The following PLPPR1 variants were observed in gnomAD, a reference collection of about 807,000 sequenced individuals.
The protein encoded by PLPPR1 is phospholipid phosphatase-related protein type 1.
PLPPR1 carries 10 observed loss-of-function variants against 33.1 expected under a neutral mutation model. The ratio of observed to expected loss-of-function variants is 0.30; its 90% confidence interval spans 0.19 to 0.51. The LOEUF (loss-of-function observed/expected upper bound fraction) is 0.51, where lower values mean the gene tolerates loss of function less well. Among genes scored for constraint, PLPPR1 ranks in the 20% least tolerant of loss-of-function variants. PLPPR1 has a pLI of 0.97. For missense variants in PLPPR1, 304 were observed against 408.1 expected, an observed-to-expected ratio of 0.74 and a Z score of 2.20; for synonymous variants, 151 against 151.0, an observed-to-expected ratio of 1.00 and a Z score of 0.00.
chr9:101,122,183 C>T (rs10989410), intron 1 of PLPPR1, among the ~76,000 whole-genome samples: 344 of 152,306 alleles, frequency 2.3e-3, no homozygotes, highest in African/African-American at 7.8e-3. Context: ...TGAGCTGTAA[C>T]AAGGAATCTT....
At chr9:101,308,967 G>A (rs895443302) in intron 4 of PLPPR1, among the ~76,000 whole-genome samples, 6 of 152,038 alleles carry the variant, frequency 3.9e-5, no homozygotes, top group Admixed American at 1.3e-4. Flanking sequence ...AATTATTTTC[G>A]TTAGACTGTG....
intron 1 of PLPPR1, among the ~76,000 whole-genome samples, chr9:101,094,307 C>T (rs1006125864): frequency 6.6e-6 from 1 of 152,096 alleles, no homozygotes; most frequent in African/African-American, 2.4e-5. Context: ...TCTTTGGCTC[C>T]TTTCATTTCC....
intron 2 of PLPPR1, among the ~76,000 whole-genome samples, chr9:101,246,013 A>G (rs1165323221): frequency 6.8e-6 from 1 of 146,622 alleles, no homozygotes; most frequent in Non-Finnish European, 1.5e-5. Context: ...TCAAAGGGCT[A>G]CTTGACCATA....
At chr9:101,263,257 C>T (rs1244465313) in intron 2 of PLPPR1, among the ~76,000 whole-genome samples, 1 of 152,180 alleles carries the variant, frequency 6.6e-6, no homozygotes, top group Non-Finnish European at 1.5e-5. Flanking sequence ...GGAAGAACTC[C>T]TGTCTGGTCA....
intron 1 of PLPPR1, among the ~76,000 whole-genome samples, chr9:101,069,778 A>G (rs554114729): frequency 6.6e-6 from 1 of 152,270 alleles, no homozygotes; most frequent in South Asian, 2.1e-4. Context: ...GAAATTTGTC[A>G]GAAATGCAGA....
At chr9:101,101,685 G>C (rs965099188) in intron 1 of PLPPR1, among the ~76,000 whole-genome samples, 8 of 152,080 alleles carry the variant, frequency 5.3e-5, no homozygotes. Flanking sequence ...GATATCAATG[G>C]ACCATATGGT....
intron 4 of PLPPR1, among the ~76,000 whole-genome samples, chr9:101,303,382 A>G (rs1018394035): frequency 6.6e-6 from 1 of 150,852 alleles, no homozygotes; most frequent in Non-Finnish European, 1.5e-5. Context: ...GCTCACTGCA[A>G]CCTCTGCCTC....
chr9:101,075,910 G>A (rs1452514389), intron 1 of PLPPR1, among the ~76,000 whole-genome samples: 1 of 152,066 alleles, frequency 6.6e-6, no homozygotes, highest in African/African-American at 2.4e-5. Context: ...GTGAGAACAA[G>A]TTTAGTCAGA....
intron 1 of PLPPR1, among the ~76,000 whole-genome samples, chr9:101,063,866 T>C (rs923760765): frequency 1.3e-5 from 2 of 152,150 alleles, no homozygotes; most frequent in East Asian, 3.9e-4. Context: ...ATCTGTTTAC[T>C]TCCTTTTGTT....
intron 1 of PLPPR1, among the ~76,000 whole-genome samples, chr9:101,116,354 T>C (rs7873618): frequency 0.5 from 76,201 of 152,046 alleles, 19,407 homozygotes; most frequent in African/African-American, 0.58. Context: ...TGTAAAAGTC[T>C]GAATCAATAT....
intron 3 of PLPPR1, among the ~76,000 whole-genome samples, chr9:101,283,458 A>C (rs966850412): frequency 6.6e-6 from 1 of 152,234 alleles, no homozygotes; most frequent in Non-Finnish European, 1.5e-5. Flanking sequence ...GGCTATCCAC[A>C]TGCAGAAGAG....
intron 2 of PLPPR1, among the ~76,000 whole-genome samples, chr9:101,186,163 T>C (rs961391215): frequency 2.0e-5 from 3 of 151,890 alleles, no homozygotes; most frequent in African/African-American, 7.2e-5. Flanking sequence ...ACTCCTTTTG[T>C]ACTCTACCTC....
At chr9:101,235,645 C>T (rs1380048864) in intron 2 of PLPPR1, among the ~76,000 whole-genome samples, 1 of 151,772 alleles carries the variant, frequency 6.6e-6, no homozygotes. Flanking sequence ...TGCTCAATTA[C>T]CGAGAGCACT....
chr9:101,243,278 T>C (rs559992272), intron 2 of PLPPR1, among the ~76,000 whole-genome samples: 1 of 152,086 alleles, frequency 6.6e-6, no homozygotes, highest in East Asian at 1.9e-4. Flanking sequence ...AGGACATCAA[T>C]TAACTTTTTA....
intron 1 of PLPPR1, among the ~76,000 whole-genome samples, chr9:101,076,041 C>A (rs1830531543): frequency 6.6e-6 from 1 of 152,080 alleles, no homozygotes; most frequent in African/African-American, 2.4e-5. Context: ...GGAGATTGGA[C>A]AGGGACTTGA....
At chr9:101,051,716 G>A (rs1054125482) in intron 1 of PLPPR1, among the ~76,000 whole-genome samples, 2 of 152,136 alleles carry the variant, frequency 1.3e-5, no homozygotes, top group Non-Finnish European at 2.9e-5. Context: ...TTATGCACAT[G>A]TTACTCTCTT....
intron 1 of PLPPR1, among the ~76,000 whole-genome samples, chr9:101,073,539 C>CCCTTGAATAAGTTCCCTCA (rs1830504690): frequency 7.9e-5 from 12 of 151,484 alleles, no homozygotes; most frequent in Non-Finnish European, 1.5e-4. Flanking sequence ...AGTTCATTAG[C>CCCTTGAATAAGTTCCCTCA]TTGAATAAGT....
chr9:101,059,303 T>C (rs745556908), intron 1 of PLPPR1, among the ~76,000 whole-genome samples: 2 of 152,110 alleles, frequency 1.3e-5, no homozygotes, highest in Non-Finnish European at 2.9e-5. Context: ...CTGAAAAGGT[T>C]TTAGCATGTT....
chr9:101,072,415 C>T (rs1830492252), intron 1 of PLPPR1, among the ~76,000 whole-genome samples: 1 of 152,088 alleles, frequency 6.6e-6, no homozygotes, highest in Non-Finnish European at 1.5e-5. Flanking sequence ...TGCATGCATT[C>T]CATTATAGCC....
Sources: gnomAD v4.1 joint callset for allele counts (sites outside exome capture counted in the v4.1 genomes callset) on GRCh38, gnomAD v4.1.1 for gene constraint, MANE v1.5 for transcripts, NCBI Gene and HGNC (gene_info 2026-07-23, HGNC 2026-07-21) for gene names.